KLHL5: variants seen among roughly 807,000 people sequenced by gnomAD.
KLHL5 encodes the protein kelch like family member 5.
Under a neutral mutation model 77.7 loss-of-function variants are expected in KLHL5, and 48 were observed. The observed-to-expected ratio is 0.62, with a 90% CI of 0.49 to 0.79. The LOEUF (loss-of-function observed/expected upper bound fraction) is 0.79. KLHL5 is among the 30% of genes least tolerant of loss of function. The pLI, the probability that KLHL5 is intolerant of heterozygous loss-of-function variation, is 0.00. For missense variants in KLHL5, 723 were observed against 859.7 expected (o/e 0.84, Z 1.99); for synonymous variants, 260 against 297.0 (o/e 0.88, Z 1.28).
chr4:39,115,358 C>T (rs1722761185), intron 10 of KLHL5, 28 bp downstream of exon 10: 1 of 1,612,732 alleles, frequency 6.2e-7, no homozygotes, highest in South Asian at 1.1e-5. Flanking sequence ...CATTATTACA[C>T]TGACTCTCTT....
chr4:39,126,619 A>C (rs1322541743), downstream of KLHL5: 1 of 410,308 alleles, frequency 2.4e-6, no homozygotes, highest in African/African-American at 2.1e-5. Flanking sequence ...AGTGCCCTGG[A>C]TCTTTGCCCA....
downstream of KLHL5, among the ~76,000 whole-genome samples, chr4:39,128,959 A>AAAAAT (rs1159616926): frequency 6.6e-6 from 1 of 152,012 alleles, no homozygotes; most frequent in Non-Finnish European, 1.5e-5. Context: ...TCAAAAAATA[A>AAAAAT]AAAATAAAAT....
rs1057342086 is a variant in KLHL5 at position 39,123,392 on chromosome 4, CCAGA to C, written c.*2329_*2332del. Reference sequence around the variant, plus strand: ...GGCGGACATTACCTTAACACCAAAGCCAGACAAAGACCTCACAGGGAAGCTACAG... The same window carrying C: ...GGCGGACATTACCTTAACACCAAAGCCAAAGACCTCACAGGGAAGCTACAG... On this transcript the variant is annotated 3_prime_UTR_variant, in exon 11 of 11. Transcript: ENST00000504108. 3.9e-5 allele frequency among the ~76,000 whole-genome samples: 6 copies of C among 152,146 alleles called. No individual in the cohort carries two copies. Among genetic ancestry groups the C allele is most frequent in the South Asian group, 4.1e-4 (2 of 4,828 alleles).
At chr4:39,137,370 T>A in the KLHL5 span, among the ~76,000 whole-genome samples, 1 of 151,820 alleles carries the variant, frequency 6.6e-6, no homozygotes, top group Non-Finnish European at 1.5e-5. Flanking sequence ...AAGAATGATC[T>A]TCACTTTGGG....
At chr4:39,070,864 A>G (rs931093045) in intron 1 of KLHL5, among the ~76,000 whole-genome samples, 3 of 101,262 alleles carry the variant, frequency 3.0e-5, no homozygotes, top group African/African-American at 1.1e-4. Context: ...CTTCTTCCTC[A>G]CCCATATAAA....
intron 1 of KLHL5, among the ~76,000 whole-genome samples, chr4:39,065,360 T>C (rs1717795937): frequency 6.6e-6 from 1 of 151,292 alleles, no homozygotes; most frequent in African/African-American, 2.4e-5. Flanking sequence ...CATCAATTTT[T>C]TTTTTTTTTT....
the KLHL5 span, among the ~76,000 whole-genome samples, chr4:39,132,163 CAGG>C: frequency 6.6e-6 from 1 of 152,040 alleles, no homozygotes; most frequent in Non-Finnish European, 1.5e-5. Context: ...TCCCCATTAT[CAGG>C]AGACTACAAA....
At chr4:39,044,831 G>A (rs1407585572), upstream of KLHL5, 2 of 450,980 alleles carry the variant, frequency 4.4e-6, no homozygotes, top group Admixed American at 6.4e-5. Flanking sequence ...CGGGCTAACC[G>A]GTCCCCTACC....
chr4:39,081,025 A>G lies in KLHL5; in HGVS notation c.567-78A>G, dbSNP rs182705748. On this transcript the variant is annotated intron_variant, in intron 2 of 10. Coordinates refer to ENST00000504108, the MANE Select transcript of KLHL5 (RefSeq NM_015990.5). The surrounding 1 kb of genome is among the most constrained non-coding windows in gnomAD (Gnocchi z 4.3). ...ACCATGCACTGTGAGTAACAAATAA[A>G]AAAGAAGCAGCAGCATTTATTAATG... 19 of 1,432,080 alleles carry G rather than the reference A, an allele frequency of 1.3e-5. No individual in the cohort carries two copies. The East Asian group carries it at 4.4e-4, about 33-fold the overall frequency. The allele number at this position is 1,432,080 out of a possible 1,614,324, so 88.7% of individuals were successfully genotyped here.
chr4:39,046,747 T>A (rs1716224395), intron 1 of KLHL5, among the ~76,000 whole-genome samples: 1 of 152,172 alleles, frequency 6.6e-6, no homozygotes, highest in African/African-American at 2.4e-5. Context: ...CAGTTGACAA[T>A]ATCTTTAAAA....
At chr4:39,110,644 T>G (rs1015646140) in intron 8 of KLHL5, among the ~76,000 whole-genome samples, 2 of 152,026 alleles carry the variant, frequency 1.3e-5, no homozygotes, top group African/African-American at 4.8e-5. Flanking sequence ...AAAAAAAATT[T>G]TTTTGTAGAG....
intron 9 of KLHL5, 97 bp downstream of exon 9, chr4:39,113,329 A>C (rs1350969240): frequency 8.8e-6 from 8 of 912,116 alleles, no homozygotes; most frequent in Non-Finnish European, 1.1e-5. Context: ...ATTGGAAGGG[A>C]AAGTCGGCAT....
downstream of KLHL5, among the ~76,000 whole-genome samples, chr4:39,129,048 C>T (rs1378806813): frequency 6.6e-6 from 1 of 151,932 alleles, no homozygotes; most frequent in Non-Finnish European, 1.5e-5. This position sits in a 1 kb window ranked among gnomAD's most constrained non-coding sequence, Gnocchi z 4.2. Flanking sequence ...ACACTCAGTC[C>T]AGCTGCTCCT....
chr4:39,107,729 A>G lies in KLHL5; in HGVS notation c.1686A>G (p.Gly562=). 1 of 1,581,610 alleles carries G rather than the reference A, an allele frequency of 6.3e-7. No homozygotes were observed. The highest frequency in any genetic ancestry group is 8.6e-7 in the Non-Finnish European group (1 of 1,158,554). The change falls in exon 8 of 11, where the codon GGA becomes GGG. Residue 562 remains glycine (G), a splice_region_variant and synonymous_variant. Transcript: ENST00000504108. ...CAGTAGGTGTGGCAGTACTAAGTGG[A>G]AAGTAAGGAAATATTTAAAGTTCCA... The part of the protein sequence containing the change: ...RSTVGVAVLS[G]KLYAVGGRDG...
chr4:39,139,992 C>G, the KLHL5 span, among the ~76,000 whole-genome samples: 1 of 152,098 alleles, frequency 6.6e-6, no homozygotes. Context: ...TTTGGGAGGC[C>G]GAAGCAGGCG....
chr4:39,089,359 G>A (rs766270850), intron 5 of KLHL5, among the ~76,000 whole-genome samples: 45 of 152,150 alleles, frequency 3.0e-4, no homozygotes, highest in Non-Finnish European at 4.1e-4. Flanking sequence ...AGGGAATGGG[G>A]AAGGAAGTTG....
intron 2 of KLHL5, among the ~76,000 whole-genome samples, chr4:39,077,314 T>C (rs1719152786): frequency 6.6e-6 from 1 of 151,780 alleles, no homozygotes; most frequent in African/African-American, 2.4e-5. Context: ...AAAAAAAAAT[T>C]AGCCGGGCAT....
intron 4 of KLHL5, among the ~76,000 whole-genome samples, chr4:39,084,676 A>G (rs1719894064): frequency 6.6e-6 from 1 of 152,172 alleles, no homozygotes; most frequent in Non-Finnish European, 1.5e-5. Context: ...ATAATTCGTC[A>G]AGTGCATATT....
intron 5 of KLHL5, among the ~76,000 whole-genome samples, chr4:39,089,376 C>A (rs1283659237): frequency 6.6e-6 from 1 of 152,118 alleles, no homozygotes; most frequent in Non-Finnish European, 1.5e-5. Flanking sequence ...GTTGAAGAAT[C>A]ATGTTCCCAA....
Sources: gnomAD v4.1 joint callset for allele counts (sites outside exome capture counted in the v4.1 genomes callset) on GRCh38, gnomAD v4.1.1 for gene constraint, Gnocchi (gnomAD v3.1) non-coding constraint, MANE v1.5 for transcripts, NCBI Gene and HGNC (gene_info 2026-07-23, HGNC 2026-07-21) for gene names.